Variants in UBOX5 observed in about 807,000 individuals in gnomAD.
UBOX5 encodes U-box domain containing 5.
Under a neutral mutation model 39.0 loss-of-function variants are expected in UBOX5, and 28 were observed. That is an observed-to-expected ratio of 0.72 (90% CI 0.53 to 0.98). The LOEUF (loss-of-function observed/expected upper bound fraction) is 0.98. UBOX5 is among the 50% of genes least tolerant of loss of function. The probability of loss-of-function intolerance (pLI) is 0.00; values close to 1 mark genes in which losing one functional copy is unlikely to be tolerated. For synonymous variants in UBOX5, 283 were observed against 275.5 expected (o/e 1.03, Z -0.27); for missense variants, 585 against 674.4 (o/e 0.87, Z 1.47).
chr20:3,157,965 C>G (rs1005820905), intron 1 of UBOX5, among the ~76,000 whole-genome samples: 1 of 151,902 alleles, frequency 6.6e-6, no homozygotes, highest in Non-Finnish European at 1.5e-5. Context: ...GTGCAATCTC[C>G]GCTCACTGCA....
At chr20:3,110,851 A>G (rs1232017331) in intron 4 of UBOX5, 1 of 167,518 alleles carries the variant, frequency 6.0e-6, no homozygotes, top group Non-Finnish European at 1.3e-5. Context: ...GAAAAAAAAA[A>G]AAAAAGGAAA....
intron 1 of UBOX5, among the ~76,000 whole-genome samples, chr20:3,159,071 A>G (rs79818747): frequency 0.076 from 11,605 of 152,214 alleles, 1,433 homozygotes; most frequent in African/African-American, 0.26. Flanking sequence ...AGGGGACCCA[A>G]AGTTCCCTGA....
intron 3 of UBOX5, among the ~76,000 whole-genome samples, chr20:3,118,081 C>T (rs1254719764): frequency 6.6e-6 from 1 of 151,954 alleles, no homozygotes; most frequent in Non-Finnish European, 1.5e-5. Context: ...TCACTTAAAT[C>T]CCAGCAGCAG....
At chr20:3,139,598 G>A (rs1428423898) in intron 1 of UBOX5, among the ~76,000 whole-genome samples, 1 of 151,368 alleles carries the variant, frequency 6.6e-6, no homozygotes, top group Admixed American at 6.6e-5. Flanking sequence ...CACCATGTTT[G>A]CCAGCCTGGT....
Position 3,122,070 on chromosome 20 carries a change from C to T in UBOX5, c.569G>A (p.Arg190Gln), listed in dbSNP as rs139291959. 4.2e-5 allele frequency: 67 copies of T among 1,614,232 alleles called. No individual in the cohort carries two copies. In the African/African-American group the frequency reaches 6.9e-4, roughly 17 times the overall value. Reference protein sequence around the residue: ...VTGGGIPCIKRLEVWGQPAKT... With the variant: ...VTGGGIPCIKQLEVWGQPAKT... ...GGCCGGCTGACCCCACACTTCCAAC[C>T]GCTTGATACAAGGGATACCGCCGCC... The change falls in exon 3 of 5, where the codon CGG becomes CAG. Residue 190 changes from arginine (R) to glutamine (Q), a missense_variant. Transcript: ENST00000217173.
chr20:3,113,437 G>A (rs542324759), intron 4 of UBOX5, among the ~76,000 whole-genome samples: 17 of 152,268 alleles, frequency 1.1e-4, no homozygotes, highest in African/African-American at 4.1e-4. Context: ...GGATGCCATG[G>A]TAGGATTTGA....
At chr20:3,156,469 G>A (rs533379680) in intron 1 of UBOX5, among the ~76,000 whole-genome samples, 24 of 152,176 alleles carry the variant, frequency 1.6e-4, no homozygotes, top group African/African-American at 5.5e-4. Context: ...GAGCCACCAC[G>A]CCCGGCCTGA....
At chr20:3,124,718 C>G (rs1297962996) in intron 1 of UBOX5, among the ~76,000 whole-genome samples, 1 of 148,198 alleles carries the variant, frequency 6.7e-6, no homozygotes, top group Non-Finnish European at 1.5e-5. Context: ...ATGTGAGGAG[C>G]GTCTCTGCCC....
At chr20:3,121,140 C>T (rs557828275) in intron 3 of UBOX5, among the ~76,000 whole-genome samples, 1 of 152,306 alleles carries the variant, frequency 6.6e-6, no homozygotes, top group African/African-American at 2.4e-5. Context: ...GAGCGAAACA[C>T]GCAGACTGAA....
intron 1 of UBOX5, among the ~76,000 whole-genome samples, chr20:3,127,558 T>C (rs2066400268): frequency 6.6e-6 from 1 of 152,206 alleles, no homozygotes; most frequent in Admixed American, 6.5e-5. Flanking sequence ...TACCAAGAGA[T>C]GCCCACCATT....
intron 4 of UBOX5, among the ~76,000 whole-genome samples, chr20:3,114,287 G>A (rs1046101424): frequency 6.6e-6 from 1 of 152,082 alleles, no homozygotes; most frequent in Non-Finnish European, 1.5e-5. Flanking sequence ...AGAGTCCAGG[G>A]CCAGAGCTGG....
intron 1 of UBOX5, among the ~76,000 whole-genome samples, chr20:3,154,014 C>T (rs1432274664): frequency 1.3e-5 from 2 of 152,106 alleles, no homozygotes; most frequent in Non-Finnish European, 2.9e-5. Context: ...GAGAAGACCT[C>T]AAAGGCTGAA....
chr20:3,141,594 C>T (rs766482524), intron 1 of UBOX5, among the ~76,000 whole-genome samples: 10 of 151,952 alleles, frequency 6.6e-5, no homozygotes, highest in South Asian at 2.1e-4. Flanking sequence ...TGTGGTTAGC[C>T]GAGATTATGC....
At chr20:3,133,570 G>T (rs889380770) in intron 1 of UBOX5, among the ~76,000 whole-genome samples, 3 of 151,448 alleles carry the variant, frequency 2.0e-5, no homozygotes, top group Admixed American at 2.0e-4. Flanking sequence ...AAAAAAAAAA[G>T]AATATAAAAT....
At chr20:3,124,350 G>A (rs2066361288) in intron 1 of UBOX5, among the ~76,000 whole-genome samples, 1 of 152,160 alleles carries the variant, frequency 6.6e-6, no homozygotes, top group Non-Finnish European at 1.5e-5. Context: ...CCTGCCGAGT[G>A]CCTGCCTTGA....
At position 3,110,116 on chromosome 20, in the gene UBOX5, AC is replaced by A; in HGVS notation, c.1615del (p.Val539SerfsTer5). 6.2e-7 allele frequency: 1 copy of A among 1,611,608 alleles called. No homozygotes were observed. On this transcript the variant is annotated frameshift_variant, in exon 5 of 5. Transcript: ENST00000217173. LOFTEE classifies it high-confidence loss of function. ...RPVASQDVLRVHF is the reference protein window; with the variant it reads ...RPVASQDVLRXHF The stretch of plus-strand genomic sequence containing the variant: ...GTGGAGGTCAGTCACTCAGAAGTGG[AC>A]CCGCAGCACGTCTTGGCTAGCAACC...
At chr20:3,146,893 A>G in intron 1 of UBOX5, 1 of 1,614,214 alleles carries the variant, frequency 6.2e-7, no homozygotes. Context: ...AGCCAAGCCG[A>G]GCCAGCTGCC....
In UBOX5 at chr20:3,109,561, G is replaced by GCCGTATCATTAAAAA; in HGVS notation, c.*544_*545insTTTTTAATGATACGG. ...TCCACTTGTGTGGGTGCAGGTGGGC[G>GCCGTATCATTAAAAA]ACAGGAGTGTGTGACACAGACAGGC... On this transcript the variant is annotated 3_prime_UTR_variant, in exon 5 of 5. Transcript: ENST00000217173. 1 of 167,052 alleles carries GCCGTATCATTAAAAA rather than the reference G, an allele frequency of 6.0e-6. No individual in the cohort carries two copies. The highest frequency in any genetic ancestry group is 1.3e-5 in the Non-Finnish European group (1 of 75,618). 10.3% of individuals were successfully genotyped at this position (167,052 alleles called of 1,614,324 possible). A position where few individuals can be genotyped will look rare whatever the true frequency, so the allele number is the denominator to read the frequency against.
intron 1 of UBOX5, chr20:3,146,568 C>CATGTATACATT (rs2066565119): frequency 3.5e-6 from 2 of 567,756 alleles, no homozygotes; most frequent in Admixed American, 6.8e-5. Context: ...CTAAGAGTAA[C>CATGTATACATT]ATGTATACAT....
Sources: gnomAD v4.1 joint callset for allele counts (sites outside exome capture counted in the v4.1 genomes callset) on GRCh38, gnomAD v4.1.1 for gene constraint, MANE v1.5 for transcripts, NCBI Gene and HGNC (gene_info 2026-07-23, HGNC 2026-07-21) for gene names.